ARFGAP3: variants seen among roughly 807,000 people sequenced by gnomAD.
ARFGAP3 encodes the protein ADP-ribosylation factor GTPase-activating protein 3.
Under a neutral mutation model 75.0 loss-of-function variants are expected in ARFGAP3, and 72 were observed. That is an observed-to-expected ratio of 0.96 (90% CI 0.79 to 1.17). ARFGAP3 has a LOEUF of 1.17. ARFGAP3 is among the 50% of genes most tolerant of loss of function. The pLI is 0.00. For missense variants in ARFGAP3, 620 were observed against 626.6 expected (o/e 0.99, Z 0.11); for synonymous variants, 221 against 217.9 (o/e 1.01, Z -0.13).
chr22:42,840,513 T>C (rs977295631), intron 3 of ARFGAP3, among the ~76,000 whole-genome samples: 2 of 151,060 alleles, frequency 1.3e-5, no homozygotes, highest in Non-Finnish European at 3.0e-5. Context: ...GCCTCCCAGG[T>C]TCATGCAACT....
At chr22:42,819,080 T>C (rs1392805850) in intron 9 of ARFGAP3, among the ~76,000 whole-genome samples, 2 of 152,274 alleles carry the variant, frequency 1.3e-5, no homozygotes, top group East Asian at 3.9e-4. Context: ...CAAAGAGTCC[T>C]GGGATTACAG....
At chr22:42,849,957 C>T (rs144097381) in intron 1 of ARFGAP3, among the ~76,000 whole-genome samples, 10 of 152,266 alleles carry the variant, frequency 6.6e-5, no homozygotes, top group African/African-American at 2.2e-4. Context: ...TTAAATCTCA[C>T]ACACAGCCTG....
intron 14 of ARFGAP3, among the ~76,000 whole-genome samples, chr22:42,800,608 C>T (rs1229134378): frequency 6.6e-6 from 1 of 152,208 alleles, no homozygotes; most frequent in Non-Finnish European, 1.5e-5. Context: ...TGCAACGTGT[C>T]CCTTGGAAGA....
intron 11 of ARFGAP3, among the ~76,000 whole-genome samples, chr22:42,812,452 G>T (rs1336303376): frequency 6.6e-6 from 1 of 152,104 alleles, no homozygotes; most frequent in African/African-American, 2.4e-5. Context: ...AGGACAGGAA[G>T]CACACTGGAA....
chr22:42,806,020 C>G (rs934278440), intron 14 of ARFGAP3, among the ~76,000 whole-genome samples: 5 of 152,234 alleles, frequency 3.3e-5, no homozygotes, highest in Non-Finnish European at 7.3e-5. Context: ...TCAGACCTCT[C>G]TCGAGCTGTT....
intron 2 of ARFGAP3, among the ~76,000 whole-genome samples, chr22:42,844,688 A>G (rs1433071456): frequency 1.3e-5 from 2 of 152,038 alleles, no homozygotes; most frequent in East Asian, 3.9e-4. Flanking sequence ...GGTGTGAACC[A>G]CTATGTCCGG....
At chr22:42,845,586 G>A (rs1031737930) in intron 2 of ARFGAP3, among the ~76,000 whole-genome samples, 2 of 143,854 alleles carry the variant, frequency 1.4e-5, no homozygotes, top group African/African-American at 5.8e-5. Flanking sequence ...TGATTCAATG[G>A]GGAAAAGACA....
At chr22:42,822,667 A>T (rs1825931248) in intron 8 of ARFGAP3, 1 of 152,914 alleles carries the variant, frequency 6.5e-6, no homozygotes, top group Admixed American at 6.5e-5. Flanking sequence ...TAGTATCTGC[A>T]TTTAACCCAC....
intron 6 of ARFGAP3, 36 bp downstream of exon 6, chr22:42,831,513 T>C (rs200906171): frequency 5.2e-5 from 83 of 1,597,210 alleles, no homozygotes; most frequent in Non-Finnish European, 6.6e-5. Context: ...CACTGAACCA[T>C]AGAATAGTAT....
At chr22:42,811,059 A>G in intron 11 of ARFGAP3, 115 bp from the exon 12 acceptor site, 2 of 1,470,754 alleles carry the variant, frequency 1.4e-6, no homozygotes, top group Non-Finnish European at 1.8e-6. Context: ...GCAGTCACAT[A>G]ACTAGGTCTA....
At chr22:42,850,304 G>A (rs1311568703) in intron 1 of ARFGAP3, among the ~76,000 whole-genome samples, 2 of 152,026 alleles carry the variant, frequency 1.3e-5, no homozygotes, top group Admixed American at 1.3e-4. Flanking sequence ...GGGTGCAGTG[G>A]CTCACACCTG....
At chr22:42,854,789 T>C (rs1191798351) in intron 1 of ARFGAP3, among the ~76,000 whole-genome samples, 1 of 152,226 alleles carries the variant, frequency 6.6e-6, no homozygotes. Context: ...ATCTTAGAGC[T>C]GTCTTTTATG....
intron 2 of ARFGAP3, among the ~76,000 whole-genome samples, chr22:42,841,697 T>C (rs776253044): frequency 2.0e-5 from 3 of 151,788 alleles, no homozygotes; most frequent in African/African-American, 7.3e-5. Flanking sequence ...AAAGCAGAGG[T>C]TGTTATTCAG....
chr22:42,820,239 C>A (rs1173520691), intron 9 of ARFGAP3, among the ~76,000 whole-genome samples: 10 of 152,172 alleles, frequency 6.6e-5, no homozygotes, highest in Non-Finnish European at 1.5e-4. Flanking sequence ...TCAAATCTAA[C>A]CTTTCCCTTT....
intron 1 of ARFGAP3, among the ~76,000 whole-genome samples, chr22:42,854,196 G>T (rs775779257): frequency 1.8e-4 from 27 of 152,184 alleles, no homozygotes; most frequent in Non-Finnish European, 3.2e-4. Context: ...CATACCATCA[G>T]TGTACATACC....
At chr22:42,847,802 C>T (rs1388075469) in intron 1 of ARFGAP3, 170 bp from the exon 2 acceptor site, 1 of 270,732 alleles carries the variant, frequency 3.7e-6, no homozygotes, top group Non-Finnish European at 5.4e-6. Context: ...CCTCAAATTT[C>T]ATGCTCTTTT....
chr22:42,822,951 A>G (rs1925876837), intron 8 of ARFGAP3, among the ~76,000 whole-genome samples: 1 of 152,096 alleles, frequency 6.6e-6, no homozygotes, highest in Admixed American at 6.6e-5. Context: ...CTGGGACTAC[A>G]GGCACGGGCC....
intron 3 of ARFGAP3, among the ~76,000 whole-genome samples, chr22:42,835,878 G>A (rs931867688): frequency 6.6e-6 from 1 of 151,724 alleles, no homozygotes. Context: ...GAAATAACTA[G>A]TCCTCATTTG....
In ARFGAP3 at chr22:42,847,628, C is replaced by T. The variant is rs765223447; in HGVS notation, c.74G>A (p.Cys25Tyr). The T allele has an allele frequency of 6.2e-7, 1 of 1,608,780 alleles. No individual in the cohort carries two copies. Among genetic ancestry groups the T allele is most frequent in the Non-Finnish European group, 8.5e-7 (1 of 1,177,976 alleles). ...GGGATTTTTGGCACCACAATCAAAA[C>T]ACACCTGAAAAAAAATGTTAAATTC... ...RLRSVPTNKVCFDCGAKNPSW... is the reference protein window; with the variant it reads ...RLRSVPTNKVYFDCGAKNPSW... The change falls in exon 2 of 16, where the codon TGT becomes TAT. Residue 25 changes from cysteine (C) to tyrosine (Y), a missense_variant. Transcript: ENST00000263245.
Sources: gnomAD v4.1 joint callset for allele counts (sites outside exome capture counted in the v4.1 genomes callset) on GRCh38, gnomAD v4.1.1 for gene constraint, MANE v1.5 for transcripts, NCBI Gene and HGNC (gene_info 2026-07-23, HGNC 2026-07-21) for gene names.